The following DEPDC5 variants were observed in gnomAD, a reference collection of about 807,000 sequenced individuals.
The protein encoded by DEPDC5 is DEP domain containing 5, GATOR1 subcomplex subunit, also known as GATOR1 complex protein DEPDC5.
In DEPDC5, 73 loss-of-function variants were observed where a neutral mutation model predicts 217.3. The ratio of observed to expected loss-of-function variants is 0.34; its 90% CI spans 0.28 to 0.41. The LOEUF (loss-of-function observed/expected upper bound fraction) is 0.41, where lower values mean the gene tolerates loss of function less well. Among genes scored for constraint, DEPDC5 ranks in the 10% least tolerant of loss-of-function variants. The probability of loss-of-function intolerance (pLI) is 1.00; values close to 1 mark genes in which losing one functional copy is unlikely to be tolerated. For synonymous variants in DEPDC5, 733 were observed against 756.7 expected (o/e 0.97, Z 0.51); for missense variants, 1,675 against 2,070.1 (o/e 0.81, Z 3.70).
At position 31,859,650 on chromosome 22, in the gene DEPDC5, C is replaced by T. The variant is rs551318547; in HGVS notation, c.3265-1718C>T. Among the ~76,000 whole-genome samples, 54 of 152,352 alleles carry T rather than the reference C, an allele frequency of 3.5e-4. No homozygotes were observed. In the South Asian group the frequency reaches 7.0e-3, roughly 20 times the overall value. On this transcript the variant is annotated intron_variant, in intron 32 of 42. Coordinates refer to ENST00000651528, the MANE Select transcript of DEPDC5 (RefSeq NM_001242896.3). Reference sequence around the variant, plus strand: ...TCAAGTGATCCACCCACCTCAGCCTCCCAAAGTGCTGGGATTACAGGCGTG... The same window carrying T: ...TCAAGTGATCCACCCACCTCAGCCTTCCAAAGTGCTGGGATTACAGGCGTG...
chr22:31,849,353 C>G (rs575296834), intron 31 of DEPDC5, among the ~76,000 whole-genome samples: 1 of 152,292 alleles, frequency 6.6e-6, no homozygotes, highest in Admixed American at 6.5e-5. Flanking sequence ...GTTTAATTGA[C>G]TCACAGTTCA....
At chr22:31,774,621 G>A (rs1031030765) in intron 7 of DEPDC5, among the ~76,000 whole-genome samples, 1 of 148,244 alleles carries the variant, frequency 6.7e-6, no homozygotes, top group African/African-American at 2.5e-5. Context: ...TGGGCAGATT[G>A]CTTGAGTCTG....
At chr22:31,811,286 T>G (rs1322615173) in intron 20 of DEPDC5, among the ~76,000 whole-genome samples, 1 of 152,146 alleles carries the variant, frequency 6.6e-6, no homozygotes, top group African/African-American at 2.4e-5. Flanking sequence ...GCCAGGCTGG[T>G]CTTGAACTTC....
chr22:31,794,173 C>T (rs1422536113), intron 12 of DEPDC5, among the ~76,000 whole-genome samples: 1 of 152,004 alleles, frequency 6.6e-6, no homozygotes, highest in African/African-American at 2.4e-5. Context: ...ACAGATTATA[C>T]TTTAAATTAT....
In DEPDC5 at chr22:31,893,745, C is replaced by A; in HGVS notation, c.4197C>A (p.Phe1399Leu). 6.2e-7 allele frequency: 1 copy of A among 1,601,592 alleles called. No homozygotes were observed. Among genetic ancestry groups the A allele is most frequent in the Non-Finnish European group, 8.5e-7 (1 of 1,175,016 alleles). Residue 1399 changes from phenylalanine (F) to leucine (L), a missense_variant, in exon 39 of 43, where the codon TTC (phenylalanine) becomes TTA (leucine). Coordinates refer to ENST00000651528, the MANE Select transcript of DEPDC5 (RefSeq NM_001242896.3). ...TGGCGGTGACCGCAGCAGTACTCTT[C>A]GAGATGGTGAGAACCTTCATGCATG... is the stretch of plus-strand genomic sequence containing the variant. ...HWMAVTAAVL[F>L]EMVQGWHRKA... is the part of the protein sequence containing the mutation.
intron 14 of DEPDC5, among the ~76,000 whole-genome samples, chr22:31,801,241 A>G (rs2086840330): frequency 6.6e-6 from 1 of 152,154 alleles, no homozygotes. Context: ...GGTTGCAGTG[A>G]GCTGAGATTG....
intron 24 of DEPDC5, among the ~76,000 whole-genome samples, chr22:31,829,259 C>T (rs943907877): frequency 7.2e-5 from 11 of 152,104 alleles, no homozygotes; most frequent in East Asian, 1.9e-4. Flanking sequence ...AAGACTGGCG[C>T]GGTGTCTGAC....
intron 23 of DEPDC5, among the ~76,000 whole-genome samples, chr22:31,821,974 G>C (rs535501544): frequency 6.6e-6 from 1 of 152,352 alleles, no homozygotes; most frequent in South Asian, 2.1e-4. Context: ...TGCTGAGACA[G>C]GAGATTCATG....
Position 31,857,502 on chromosome 22 carries a change from C to G in DEPDC5, c.3213C>G (p.Ala1071=), listed in dbSNP as rs373166302. The change falls in exon 32 of 43, where the codon GCC becomes GCG. Residue 1071 remains alanine, a synonymous_variant. Transcript: ENST00000651528. The part of the protein sequence containing the change: ...VHGGKSSAQS[A]ESSSVAMTPT... Reference sequence around the variant, plus strand: ...GTGGGAAGAGCTCCGCCCAGTCAGCCGAGAGCAGCAGCGTTGCCATGACTC... The same window carrying G: ...GTGGGAAGAGCTCCGCCCAGTCAGCGGAGAGCAGCAGCGTTGCCATGACTC... 13 of 1,612,486 alleles carry G rather than the reference C, an allele frequency of 8.1e-6. No homozygotes were observed. The highest frequency in any genetic ancestry group is 1.6e-4 in the Middle Eastern group (1 of 6,078).
intron 21 of DEPDC5, 67 bp from the exon 22 acceptor site, chr22:31,818,955 A>C: frequency 6.5e-7 from 1 of 1,545,358 alleles, no homozygotes. Context: ...TTATCATTCT[A>C]CCTAGCTCTG....
At chr22:31,767,111 A>G (rs1300358071) in intron 6 of DEPDC5, among the ~76,000 whole-genome samples, 1 of 151,262 alleles carries the variant, frequency 6.6e-6, no homozygotes, top group Non-Finnish European at 1.5e-5. Context: ...GCTTTTTGCT[A>G]TACCCTCTTC....
chr22:31,885,648 C>T (rs1254804966), intron 38 of DEPDC5, among the ~76,000 whole-genome samples: 3 of 150,346 alleles, frequency 2.0e-5, no homozygotes, highest in African/African-American at 7.4e-5. Context: ...TGGCGTGAAC[C>T]TGGGAGGCAG....
At position 31,861,547 on chromosome 22, in the gene DEPDC5, T is replaced by G. The variant is rs147695973; in HGVS notation, c.3330+114T>G. 6 of 1,106,824 alleles carry G rather than the reference T, an allele frequency of 5.4e-6. No individual in the cohort carries two copies. The African/African-American group carries it at 9.4e-5, about 17-fold the overall frequency. 68.6% of individuals were successfully genotyped at this position (1,106,824 alleles called of 1,614,324 possible). ...GGCTGCAACTAAGTTTGGGGGGCAG[T>G]TGAACTTGAATTTGGTCTCAGAATT... is the stretch of plus-strand genomic sequence containing the variant. On this transcript the variant is annotated intron_variant, in intron 33 of 42. Transcript: ENST00000651528.
At chr22:31,831,048 T>G (rs930379499) in intron 24 of DEPDC5, 4 of 152,078 alleles carry the variant, frequency 2.6e-5, no homozygotes, top group Non-Finnish European at 4.4e-5. Flanking sequence ...GCCAAGGTTT[T>G]TTTTTTTTTT....
chr22:31,765,895 C>T (rs1306048161), intron 5 of DEPDC5, among the ~76,000 whole-genome samples: 2 of 152,064 alleles, frequency 1.3e-5, no homozygotes, highest in East Asian at 3.9e-4. Flanking sequence ...TGGTGGCGCA[C>T]CCCTGAAGTC....
intron 32 of DEPDC5, among the ~76,000 whole-genome samples, chr22:31,859,780 T>C (rs938326454): frequency 1.3e-5 from 2 of 152,220 alleles, no homozygotes. Context: ...CAACTGCTGC[T>C]CTAGGGAGTG....
Position 31,754,904 on chromosome 22 carries a change from A to G in DEPDC5, c.-18A>G. 1 of 1,614,146 alleles carries G rather than the reference A, an allele frequency of 6.2e-7. No individual in the cohort carries two copies. Among genetic ancestry groups the G allele is most frequent in the Non-Finnish European group, 8.5e-7 (1 of 1,179,998 alleles). On this transcript the variant is annotated 5_prime_UTR_variant, in exon 2 of 43. Coordinates refer to ENST00000651528, the MANE Select transcript of DEPDC5 (RefSeq NM_001242896.3). ...TCTGCCCCAAGCTTGGAACAGCTAAAGGGAAAAACAGTGCAAGATGAGAAC... is the reference window on the plus strand; with the variant it reads ...TCTGCCCCAAGCTTGGAACAGCTAAGGGGAAAAACAGTGCAAGATGAGAAC...
chr22:31,895,583 C>T (rs986270626), intron 39 of DEPDC5, among the ~76,000 whole-genome samples: 2 of 152,164 alleles, frequency 1.3e-5, no homozygotes, highest in African/African-American at 4.8e-5. Flanking sequence ...CTTCTCTCAA[C>T]ACCAGCCCAG....
chr22:31,867,521 T>C (rs1223657281), intron 33 of DEPDC5, among the ~76,000 whole-genome samples: 1 of 152,230 alleles, frequency 6.6e-6, no homozygotes, highest in East Asian at 1.9e-4. Context: ...AAGATACACA[T>C]TGTGTGATAC....
Sources: allele counts gnomAD v4.1 joint callset (sites outside exome capture counted in the v4.1 genomes callset), GRCh38; gene constraint gnomAD v4.1.1; transcripts MANE v1.5; gene names NCBI Gene and HGNC (gene_info 2026-07-23, HGNC 2026-07-21).